Variants in KAZN observed in about 807,000 individuals in gnomAD.
KAZN encodes the protein kazrin, periplakin interacting protein.
KAZN carries 40 observed loss-of-function variants against 87.4 expected under a neutral mutation model. That is an observed-to-expected ratio of 0.46 (90% CI 0.36 to 0.60). The LOEUF (loss-of-function observed/expected upper bound fraction) is 0.60. Among genes scored for constraint, KAZN ranks in the 20% least tolerant of loss-of-function variants. The pLI is 0.00. For missense variants in KAZN, 898 were observed against 1,073.9 expected, an observed-to-expected ratio of 0.84 and a Z score of 2.29; for synonymous variants, 466 against 458.3, an observed-to-expected ratio of 1.02 and a Z score of -0.22.
intron 2 of KAZN, among the ~76,000 whole-genome samples, chr1:14,448,853 C>A (rs148802640): frequency 2.6e-5 from 4 of 152,210 alleles, no homozygotes; most frequent in Admixed American, 2.6e-4. Flanking sequence ...GACATTCACA[C>A]GTGACTGATG....
intron 2 of KAZN, among the ~76,000 whole-genome samples, chr1:14,467,674 C>CAA (rs36034022): frequency 0.056 from 4,316 of 77,228 alleles, 182 homozygotes; most frequent in African/African-American, 0.075. Context: ...ATCCAAAAGG[C>CAA]AAAAAAAAAA....
intron 13 of KAZN, among the ~76,000 whole-genome samples, chr1:15,111,207 T>A (rs1167343690): frequency 6.6e-6 from 1 of 152,160 alleles, no homozygotes; most frequent in African/African-American, 2.4e-5. Context: ...TCAGCAAAAT[T>A]TGCCCCAGAA....
rs192527415 is a variant in KAZN, at chr1:13,978,511, T to A, written c.91+84755T>A. Among the ~76,000 whole-genome samples the A allele has an allele frequency of 1.6e-4, 24 of 150,648 alleles. No homozygotes were observed. The East Asian group carries it at 2.5e-3, about 16-fold the overall frequency. On this transcript the variant is annotated intron_variant, in intron 1 of 16. Transcript: ENST00000636203. ...ATAGAGATAAATATATATATATATA[T>A]AAACTATATGAAAATGCTATACCTT...
chr1:14,437,619 T>C (rs1365860806), intron 2 of KAZN, among the ~76,000 whole-genome samples: 1 of 152,084 alleles, frequency 6.6e-6, no homozygotes, highest in East Asian at 1.9e-4. Flanking sequence ...ACATCCTCCC[T>C]CTCCTCTCCC....
chr1:14,314,003 A>G (rs1655478787), intron 2 of KAZN, among the ~76,000 whole-genome samples: 1 of 152,156 alleles, frequency 6.6e-6, no homozygotes, highest in East Asian at 1.9e-4. Context: ...AATTACTGGT[A>G]AGTGGGTGGC....
At chr1:14,717,778 G>C (rs902875819) in intron 1 of KAZN, among the ~76,000 whole-genome samples, 1 of 152,214 alleles carries the variant, frequency 6.6e-6, no homozygotes, top group African/African-American at 2.4e-5. Flanking sequence ...TGAGGCCCAA[G>C]AGGGCAGTTT....
intron 2 of KAZN, among the ~76,000 whole-genome samples, chr1:14,428,616 A>C (rs1017839598): frequency 2.0e-5 from 3 of 152,200 alleles, no homozygotes; most frequent in African/African-American, 4.8e-5. Context: ...AAAGAGGTTT[A>C]ATTGACTCAC....
At chr1:14,595,765 G>C (rs1463010725), upstream of KAZN, among the ~76,000 whole-genome samples, 2 of 152,064 alleles carry the variant, frequency 1.3e-5, no homozygotes, top group South Asian at 4.2e-4. Flanking sequence ...ACCCGCAGAG[G>C]CTAATTGATT....
At chr1:14,209,327 G>A (rs552377000) in intron 2 of KAZN, among the ~76,000 whole-genome samples, 2 of 152,286 alleles carry the variant, frequency 1.3e-5, no homozygotes, top group Admixed American at 1.3e-4. Context: ...CCTTGGTGTG[G>A]CATGGGGGAG....
intron 1 of KAZN, among the ~76,000 whole-genome samples, chr1:14,098,159 A>G (rs1644170955): frequency 6.6e-6 from 1 of 152,078 alleles, no homozygotes; most frequent in Non-Finnish European, 1.5e-5. Flanking sequence ...TGCCTCAGTC[A>G]TCTGTGAAGC....
At chr1:13,923,441 C>CAGGTGCCTGTA (rs1553174009) in intron 1 of KAZN, among the ~76,000 whole-genome samples, 1 of 151,794 alleles carries the variant, frequency 6.6e-6, no homozygotes, top group African/African-American at 2.4e-5. Flanking sequence ...GGCGTGGTGG[C>CAGGTGCCTGTA]AGGTGCCTGT....
chr1:14,159,491 C>T (rs996624267), intron 1 of KAZN, among the ~76,000 whole-genome samples: 2 of 152,198 alleles, frequency 1.3e-5, no homozygotes, highest in African/African-American at 4.8e-5. Context: ...GCCTGGGACT[C>T]ACTTTTAGGG....
intron 2 of KAZN, among the ~76,000 whole-genome samples, chr1:14,191,959 C>T (rs912806555): frequency 6.6e-6 from 1 of 152,166 alleles, no homozygotes; most frequent in Non-Finnish European, 1.5e-5. Context: ...CCATGGCTGT[C>T]TCATTGGCCA....
intron 2 of KAZN, among the ~76,000 whole-genome samples, chr1:14,213,141 C>T (rs1181263340): frequency 6.6e-6 from 1 of 152,106 alleles, no homozygotes; most frequent in Middle Eastern, 3.2e-3. Flanking sequence ...GCTATTTTAG[C>T]ATATTATTTC....
intron 2 of KAZN, among the ~76,000 whole-genome samples, chr1:14,969,264 G>T (rs1022393079): frequency 2.0e-5 from 3 of 152,238 alleles, no homozygotes; most frequent in African/African-American, 7.2e-5. Flanking sequence ...GCTACTTGAT[G>T]TTTCCTGTGT....
At chr1:13,902,416 C>A (rs577835703) in intron 1 of KAZN, among the ~76,000 whole-genome samples, 8 of 152,248 alleles carry the variant, frequency 5.3e-5, no homozygotes, top group African/African-American at 1.7e-4. Context: ...TGTAGTCAGC[C>A]GGCTTAACTT....
chr1:14,678,883 C>T (rs370402404), intron 1 of KAZN, among the ~76,000 whole-genome samples: 6 of 151,998 alleles, frequency 3.9e-5, no homozygotes, highest in African/African-American at 9.7e-5. Context: ...ATAATAGGAC[C>T]GAAAAAGGGC....
In KAZN at chr1:14,996,730, G is replaced by C. The variant is rs1667903991; in HGVS notation, c.418+35855G>C. Among the ~76,000 whole-genome samples, 1 of 152,154 alleles carries C rather than the reference G, an allele frequency of 6.6e-6. No homozygotes were observed. Among genetic ancestry groups the C allele is most frequent in the South Asian group, 2.1e-4 (1 of 4,826 alleles). On this transcript the variant is annotated intron_variant, in intron 2 of 14. Transcript: ENST00000376030. The surrounding 1 kb of genome is among the most constrained non-coding windows in gnomAD (Gnocchi z 5.9). Reference sequence around the variant, plus strand: ...CTTCCCTCACTGCCGGCCTCTCCCAGTCCCCAGGAGAAAGGGCTGATGCTC... The same window carrying C: ...CTTCCCTCACTGCCGGCCTCTCCCACTCCCCAGGAGAAAGGGCTGATGCTC...
chr1:14,150,165 A>G (rs1294801518), intron 1 of KAZN, among the ~76,000 whole-genome samples: 1 of 152,212 alleles, frequency 6.6e-6, no homozygotes, highest in East Asian at 1.9e-4. Flanking sequence ...AGGACTTGCC[A>G]AAGGTTACAC....
Sources: allele counts gnomAD v4.1 joint callset (sites outside exome capture counted in the v4.1 genomes callset), GRCh38; gene constraint gnomAD v4.1.1; non-coding constraint Gnocchi (gnomAD v3.1); transcripts MANE v1.5; gene names NCBI Gene and HGNC (gene_info 2026-07-23, HGNC 2026-07-21).